The following NTNG1 variants were observed in gnomAD, a reference collection of about 807,000 sequenced individuals.
NTNG1 encodes netrin-G1.
A neutral mutation model predicts 54.0 loss-of-function variants in NTNG1; 16 were observed. The ratio of observed to expected loss-of-function variants is 0.30; its 90% CI spans 0.20 to 0.45. The LOEUF is 0.45. Ranked by LOEUF, NTNG1 falls within the 20% of genes least tolerant of loss-of-function variation. NTNG1 has a pLI of 1.00. For synonymous variants in NTNG1, 255 were observed against 263.1 expected (o/e 0.97, Z 0.30); for missense variants, 530 against 678.7 (o/e 0.78, Z 2.43).
intron 3 of NTNG1, among the ~76,000 whole-genome samples, chr1:107,372,088 AG>A (rs1364195084): frequency 6.6e-6 from 1 of 152,038 alleles, no homozygotes; most frequent in Middle Eastern, 3.2e-3. Context: ...CAGTTTAGCT[AG>A]AGATTCAACT....
rs61651226 is a variant in NTNG1, at chr1:107,435,511, T to C, written c.1256-1154T>C. Among the ~76,000 whole-genome samples the C allele has an allele frequency of 3.3e-5, 5 of 152,280 alleles. No homozygotes were observed. The East Asian group carries it at 9.6e-4, about 29-fold the overall frequency. On this transcript the variant is annotated intron_variant, in intron 6 of 7. Transcript: ENST00000370068. The stretch of plus-strand genomic sequence containing the variant: ...AAAATAAATCATAATTCTAAGGTAC[T>C]CCACATTTATTTGAAGAATAATTAG...
At chr1:107,293,141 C>A (rs541327817) in intron 2 of NTNG1, among the ~76,000 whole-genome samples, 3 of 151,886 alleles carry the variant, frequency 2.0e-5, no homozygotes, top group South Asian at 2.1e-4. Context: ...AAGAAATGAT[C>A]AAAAATGTAA....
intron 3 of NTNG1, among the ~76,000 whole-genome samples, chr1:107,375,810 C>T (rs952753740): frequency 6.6e-6 from 1 of 152,166 alleles, no homozygotes; most frequent in Non-Finnish European, 1.5e-5. Flanking sequence ...AGACATCAGA[C>T]CAGCTCAGAA....
At chr1:107,410,309 G>A (rs1478599874) in intron 5 of NTNG1, 1 of 152,130 alleles carries the variant, frequency 6.6e-6, no homozygotes, top group Non-Finnish European at 1.5e-5. Flanking sequence ...ATAAATTTCA[G>A]TATAGATCTC....
chr1:107,428,271 C>G (rs1186324098), intron 5 of NTNG1, among the ~76,000 whole-genome samples: 1 of 152,104 alleles, frequency 6.6e-6, no homozygotes, highest in African/African-American at 2.4e-5. Flanking sequence ...AGTGCACATC[C>G]TGTAGGACAT....
intron 2 of NTNG1, among the ~76,000 whole-genome samples, chr1:107,264,813 G>A (rs1363928109): frequency 6.6e-6 from 1 of 152,162 alleles, no homozygotes; most frequent in Non-Finnish European, 1.5e-5. Flanking sequence ...CAGTCACTCT[G>A]TACAGCTGTC....
chr1:107,321,361 C>A (rs368179684), intron 2 of NTNG1, among the ~76,000 whole-genome samples: 1 of 151,978 alleles, frequency 6.6e-6, no homozygotes, highest in Admixed American at 6.6e-5. Context: ...CAGATCTGTG[C>A]CAAGCAATGA....
At chr1:107,171,204 C>T (rs988489453) in intron 2 of NTNG1, among the ~76,000 whole-genome samples, 2 of 151,902 alleles carry the variant, frequency 1.3e-5, no homozygotes, top group Non-Finnish European at 2.9e-5. Context: ...AATATTTTTC[C>T]TTTTCCACCT....
At chr1:107,362,342 T>G (rs937278767) in intron 3 of NTNG1, among the ~76,000 whole-genome samples, 2 of 152,180 alleles carry the variant, frequency 1.3e-5, no homozygotes, top group East Asian at 3.9e-4. Context: ...GGCTTTTTAT[T>G]TCCTTTGTAA....
intron 7 of NTNG1, among the ~76,000 whole-genome samples, chr1:107,459,817 T>C (rs1170749279): frequency 6.6e-6 from 1 of 152,092 alleles, no homozygotes; most frequent in Non-Finnish European, 1.5e-5. Context: ...CAAGCATTCA[T>C]AGCAGCATTT....
chr1:107,480,889 C>T lies in NTNG1; in HGVS notation c.*49C>T, dbSNP rs1035799652. 2.9e-6 allele frequency: 4 copies of T among 1,396,480 alleles called. No individual in the cohort carries two copies. The highest frequency in any genetic ancestry group is 5.0e-5 in the East Asian group (2 of 39,798). The allele number at this position is 1,396,480 out of a possible 1,614,324, so 86.5% of individuals were successfully genotyped here. A position where few individuals can be genotyped will look rare whatever the true frequency, so the allele number is the denominator to read the frequency against. On this transcript the variant is annotated 3_prime_UTR_variant, in exon 8 of 8. Transcript: ENST00000370068. ...CGGGCCTGTGCCGTGGGGAAGCAGA[C>T]ACAACCCAAACATTTGCTACTAACA...
intron 3 of NTNG1, among the ~76,000 whole-genome samples, chr1:107,374,898 C>T (rs1235865568): frequency 1.3e-5 from 2 of 151,844 alleles, no homozygotes; most frequent in Non-Finnish European, 2.9e-5. Context: ...TCTTGCTTTT[C>T]TGACTCGTTC....
intron 2 of NTNG1, among the ~76,000 whole-genome samples, chr1:107,207,712 T>C (rs1357588474): frequency 6.6e-6 from 1 of 152,208 alleles, no homozygotes; most frequent in Non-Finnish European, 1.5e-5. Context: ...ACAGTTATGA[T>C]GATTCACGTG....
rs200340592 is a variant in NTNG1, at chr1:107,209,008, GTTTTGTA to G, written c.246+60176_246+60182del. Among the ~76,000 whole-genome samples, 105 of 152,076 alleles carry G rather than the reference GTTTTGTA, an allele frequency of 6.9e-4. 1 individual carries two copies. In the East Asian group the frequency reaches 9.7e-3, roughly 14 times the overall value. ...CATTATCCAAACAAATACAGCTCAA[GTTTTGTA>G]TTTTGTGTTCATGAGCTTCTTTATG... On this transcript the variant is annotated intron_variant, in intron 2 of 7. Coordinates refer to ENST00000370068, the MANE Select transcript of NTNG1 (RefSeq NM_001113226.3).
At chr1:107,298,452 G>A (rs1203131646) in intron 2 of NTNG1, among the ~76,000 whole-genome samples, 1 of 152,070 alleles carries the variant, frequency 6.6e-6, no homozygotes, top group Non-Finnish European at 1.5e-5. Context: ...CATATAAAAA[G>A]AAATCATATG....
At chr1:107,468,302 C>T (rs577222060) in intron 7 of NTNG1, among the ~76,000 whole-genome samples, 1 of 152,214 alleles carries the variant, frequency 6.6e-6, no homozygotes, top group South Asian at 2.1e-4. Flanking sequence ...ACAGGAACCT[C>T]AAATTATATT....
intron 7 of NTNG1, among the ~76,000 whole-genome samples, chr1:107,462,680 C>G (rs904360203): frequency 1.3e-5 from 2 of 152,176 alleles, no homozygotes; most frequent in African/African-American, 4.8e-5. Context: ...TTAAATATCT[C>G]TTCTAAGGAG....
chr1:107,243,633 T>C (rs1283162232), intron 2 of NTNG1, among the ~76,000 whole-genome samples: 2 of 152,140 alleles, frequency 1.3e-5, no homozygotes, highest in African/African-American at 2.4e-5. Flanking sequence ...ACAGGCACGG[T>C]CGTAGTGTGC....
chr1:107,250,074 TAC>T (rs1662490260), intron 2 of NTNG1, among the ~76,000 whole-genome samples: 1 of 152,218 alleles, frequency 6.6e-6, no homozygotes, highest in Admixed American at 6.5e-5. Context: ...TACATTTACC[TAC>T]AGTCTTTGAT....
Sources: allele counts gnomAD v4.1 joint callset (sites outside exome capture counted in the v4.1 genomes callset), GRCh38; gene constraint gnomAD v4.1.1; transcripts MANE v1.5; gene names NCBI Gene and HGNC (gene_info 2026-07-23, HGNC 2026-07-21).